TRAP1: variants seen among roughly 807,000 people sequenced by gnomAD.
The protein encoded by TRAP1 is TNF receptor associated protein 1, also known as heat shock protein 75 kDa, mitochondrial.
A neutral mutation model predicts 89.1 loss-of-function variants in TRAP1; 102 were observed. The observed-to-expected ratio is 1.15, with a 90% CI of 0.98 to 1.35. TRAP1 has a LOEUF of 1.35. Among genes scored for constraint, TRAP1 ranks in the 40% most tolerant of loss-of-function variants. The pLI is 0.00. For synonymous variants in TRAP1, 508 were observed against 388.0 expected (o/e 1.31, Z -3.64); for missense variants, 1,256 against 945.3 (o/e 1.33, Z -4.31).
rs1259707712 is a variant in TRAP1 at position 3,662,002 on chromosome 16, A to T, written c.1925T>A (p.Leu642Gln). 6.2e-7 allele frequency: 1 copy of T among 1,609,082 alleles called. No individual in the cohort carries two copies. The highest frequency in any genetic ancestry group is 8.5e-7 in the Non-Finnish European group (1 of 1,177,544). ...GTGGCCTCACCTGGGGTTGATCTCC[A>T]GCGTGGGCTGCAGGAGCTGTGCGCG... The part of the protein sequence containing the change: ...EERAQLLQPT[L>Q]EINPRHALIK... Residue 642 changes from leucine (L) to glutamine (Q), a missense_variant, in exon 16 of 18, where the codon CTG becomes CAG. Transcript: ENST00000246957.
chr16:3,714,168 T>C (rs1026180463), intron 1 of TRAP1, among the ~76,000 whole-genome samples: 5 of 152,176 alleles, frequency 3.3e-5, no homozygotes, highest in African/African-American at 4.8e-5. Context: ...CAGCTCTTGT[T>C]TCTCTAATGT....
chr16:3,691,905 C>T (rs1181973575), intron 1 of TRAP1, among the ~76,000 whole-genome samples: 2 of 152,146 alleles, frequency 1.3e-5, no homozygotes, highest in African/African-American at 4.8e-5. Context: ...AAGTTGCCGG[C>T]AGAGCCCAGC....
chr16:3,667,920 G>C (rs755492884), intron 11 of TRAP1, among the ~76,000 whole-genome samples: 1 of 123,566 alleles, frequency 8.1e-6, no homozygotes, highest in Non-Finnish European at 1.6e-5. Flanking sequence ...CACCATACCC[G>C]GCTGATTTTT....
In TRAP1 at chr16:3,658,474, G is replaced by T. The variant is rs551566545; in HGVS notation, c.2014-244C>A. On this transcript the variant is annotated intron_variant, in intron 17 of 17. Transcript: ENST00000246957. The stretch of plus-strand genomic sequence containing the variant: ...TGGGCACGGTGGCTCACGAGGTCAG[G>T]AGATTGAGACCATCCTGGCCAAGAT... 6.9e-6 allele frequency: 4 copies of T among 580,954 alleles called. No homozygotes were observed. In the African/African-American group the frequency reaches 7.5e-5, roughly 11 times the overall value. 36.0% of individuals were successfully genotyped at this position (580,954 alleles called of 1,614,324 possible).
intron 1 of TRAP1, among the ~76,000 whole-genome samples, chr16:3,710,919 G>C (rs1186818585): frequency 7.1e-6 from 1 of 141,526 alleles, no homozygotes; most frequent in Non-Finnish European, 1.5e-5. Flanking sequence ...CACCCAGACT[G>C]TAGTGCAGTG....
At chr16:3,708,429 G>C (rs1343689375) in intron 1 of TRAP1, among the ~76,000 whole-genome samples, 2 of 152,248 alleles carry the variant, frequency 1.3e-5, no homozygotes, top group Non-Finnish European at 2.9e-5. Flanking sequence ...ATGAGGTCAG[G>C]AGTTCAAGAC....
intron 16 of TRAP1, chr16:3,659,771 A>C (rs2042962748): frequency 6.7e-6 from 1 of 149,874 alleles, no homozygotes; most frequent in South Asian, 2.1e-4. Context: ...ATAGATAGAT[A>C]GATAGATAGA....
In TRAP1 at chr16:3,663,416, A is replaced by G; in HGVS notation, c.1708+8T>C. The G allele has an allele frequency of 6.2e-7, 1 of 1,614,012 alleles. No individual in the cohort carries two copies. Among genetic ancestry groups the G allele is most frequent in the Non-Finnish European group, 8.5e-7 (1 of 1,179,940 alleles). ...CAGCCCCACGCCTAGAGAGCAGGGG[A>G]TGCCGACCTGGGGACCTGTCCTCAA... On this transcript the variant is annotated splice_region_variant and intron_variant, in intron 14 of 17. Transcript: ENST00000246957.
chr16:3,688,766 G>A (rs961040222), intron 3 of TRAP1, among the ~76,000 whole-genome samples: 1 of 152,104 alleles, frequency 6.6e-6, no homozygotes, highest in Non-Finnish European at 1.5e-5. Flanking sequence ...TCCCAGGCAT[G>A]AGCCACCACA....
intron 1 of TRAP1, among the ~76,000 whole-genome samples, chr16:3,709,834 G>C (rs1433084317): frequency 6.6e-6 from 1 of 152,142 alleles, no homozygotes; most frequent in Non-Finnish European, 1.5e-5. Flanking sequence ...ATTTTTCGTA[G>C]AGACAGGGTT....
chr16:3,664,083 A>G, intron 13 of TRAP1, 191 bp downstream of exon 13: 1 of 606,076 alleles, frequency 1.6e-6, no homozygotes, highest in Non-Finnish European at 2.7e-6. Context: ...AAAACAAACA[A>G]AAAAAACCAC....
rs114124866 is a variant in TRAP1, at chr16:3,690,609, A to G, written c.247+218T>C. 3.9e-3 allele frequency among the ~76,000 whole-genome samples: 591 copies of G among 152,296 alleles called. 3 individuals carry two copies. The highest frequency in any genetic ancestry group is 0.014 in the African/African-American group (563 of 41,578). On this transcript the variant is annotated intron_variant, in intron 2 of 17. Transcript: ENST00000246957. The stretch of plus-strand genomic sequence containing the variant: ...AGGGGAGGTGCCGGACGGCAAACTC[A>G]CGGGTGGCCACCAGAGGGGGCAAGA...
In TRAP1 at chr16:3,675,319, C is replaced by T; in HGVS notation, c.888+5G>A. The T allele has an allele frequency of 6.2e-7, 1 of 1,613,954 alleles. No homozygotes were observed. Among genetic ancestry groups the T allele is most frequent in the Non-Finnish European group, 8.5e-7 (1 of 1,179,872 alleles). Reference sequence around the variant, plus strand: ...GACCAGTCCCTAGAGGAACTCAGGGCTCACCTGCAAGGTGTTCATCCGCCT... The same window carrying T: ...GACCAGTCCCTAGAGGAACTCAGGGTTCACCTGCAAGGTGTTCATCCGCCT... On this transcript the variant is annotated splice_donor_5th_base_variant and intron_variant, in intron 8 of 17. Transcript: ENST00000246957.
chr16:3,669,283 G>A (rs2151248563), intron 11 of TRAP1, among the ~76,000 whole-genome samples: 1 of 152,336 alleles, frequency 6.6e-6, no homozygotes, highest in Middle Eastern at 3.4e-3. Context: ...CCACAGAACA[G>A]TCGCTGCTGT....
At chr16:3,696,435 C>T (rs556116563) in intron 1 of TRAP1, among the ~76,000 whole-genome samples, 6 of 152,298 alleles carry the variant, frequency 3.9e-5, no homozygotes, top group African/African-American at 7.2e-5. Context: ...CATCGGTGCA[C>T]ACTTAAACAG....
At chr16:3,659,527 A>G (rs776351052) in intron 16 of TRAP1, 1 of 152,226 alleles carries the variant, frequency 6.6e-6, no homozygotes, top group Non-Finnish European at 1.5e-5. Context: ...CGTCAGAACA[A>G]TATTTTTTTC....
intron 4 of TRAP1, chr16:3,680,015 AG>A: frequency 2.0e-6 from 1 of 500,666 alleles, no homozygotes; most frequent in East Asian, 3.4e-5. Context: ...GGATCACTTG[AG>A]GCCAGGAGTT....
At chr16:3,672,550 G>C in intron 10 of TRAP1, 150 bp downstream of exon 10, 1 of 1,297,962 alleles carries the variant, frequency 7.7e-7, no homozygotes, top group Non-Finnish European at 1.0e-6. Flanking sequence ...CCCGGGGTCT[G>C]TAAACGCGAC....
At chr16:3,683,646 A>T (rs575903737) in intron 4 of TRAP1, among the ~76,000 whole-genome samples, 1 of 151,826 alleles carries the variant, frequency 6.6e-6, no homozygotes, top group East Asian at 2.0e-4. Flanking sequence ...TTGGCCTCTC[A>T]AAGTGCTGGG....
Sources: allele counts gnomAD v4.1 joint callset (sites outside exome capture counted in the v4.1 genomes callset), GRCh38; gene constraint gnomAD v4.1.1; transcripts MANE v1.5; gene names NCBI Gene and HGNC (gene_info 2026-07-23, HGNC 2026-07-21).